The following NFIL3 variants were observed in gnomAD, a reference collection of about 807,000 sequenced individuals.
NFIL3 encodes nuclear factor interleukin-3-regulated protein.
Under a neutral mutation model 10.0 loss-of-function variants are expected in NFIL3, and 5 were observed. The ratio of observed to expected loss-of-function variants is 0.50; its 90% CI spans 0.26 to 1.06. The LOEUF (loss-of-function observed/expected upper bound fraction) is 1.06. Ranked by LOEUF, NFIL3 falls within the 50% of genes least tolerant of loss-of-function variation. The pLI, the probability that NFIL3 is intolerant of heterozygous loss-of-function variation, is 0.13. For synonymous variants in NFIL3, 202 were observed against 206.5 expected, an observed-to-expected ratio of 0.98 and a Z score of 0.19; for missense variants, 436 against 547.6, an observed-to-expected ratio of 0.80 and a Z score of 2.03.
chr9:91,420,529 G>A (rs1833742820), intron 1 of NFIL3, among the ~76,000 whole-genome samples: 1 of 152,116 alleles, frequency 6.6e-6, no homozygotes. Flanking sequence ...ACAAGCTGGG[G>A]CCTGGGACCC....
the NFIL3 span, among the ~76,000 whole-genome samples, chr9:91,459,941 A>G: frequency 3.3e-5 from 5 of 152,172 alleles, no homozygotes; most frequent in African/African-American, 4.8e-5. Flanking sequence ...AGCCCTTTTT[A>G]TATACCCTCT....
the NFIL3 span, among the ~76,000 whole-genome samples, chr9:91,442,869 C>T: frequency 3.9e-5 from 6 of 152,040 alleles, no homozygotes; most frequent in Admixed American, 6.5e-5. Flanking sequence ...TCTTGTCATC[C>T]GGAATGTGGC....
chr9:91,466,285 C>T, the NFIL3 span, among the ~76,000 whole-genome samples: 1 of 152,122 alleles, frequency 6.6e-6, no homozygotes, highest in African/African-American at 2.4e-5. Context: ...ACTAACAACA[C>T]AGACCCTTCT....
At chr9:91,480,555 A>T in the NFIL3 span, among the ~76,000 whole-genome samples, 1 of 152,194 alleles carries the variant, frequency 6.6e-6, no homozygotes, top group Admixed American at 6.5e-5. Context: ...TACGGAGCTA[A>T]ATATAAAAAA....
At chr9:91,476,223 A>G in the NFIL3 span, among the ~76,000 whole-genome samples, 1 of 152,242 alleles carries the variant, frequency 6.6e-6, no homozygotes, top group Admixed American at 6.5e-5. Flanking sequence ...AATTCAGTGC[A>G]TAGATGTAAA....
the NFIL3 span, among the ~76,000 whole-genome samples, chr9:91,479,008 C>T: frequency 1.3e-5 from 2 of 152,202 alleles, no homozygotes; most frequent in African/African-American, 2.4e-5. Flanking sequence ...CATGTTCCTT[C>T]CTCTGGAAGC....
chr9:91,412,700 C>T (rs58793027), intron 1 of NFIL3, among the ~76,000 whole-genome samples: 1,540 of 151,780 alleles, frequency 0.01, 23 homozygotes, highest in African/African-American at 0.035. Flanking sequence ...AAAAATTAGT[C>T]GGGTGTGGTG....
chr9:91,464,104 T>C, the NFIL3 span, among the ~76,000 whole-genome samples: 3 of 152,104 alleles, frequency 2.0e-5, no homozygotes, highest in African/African-American at 7.2e-5. Flanking sequence ...CAAAAATTTC[T>C]GTCTTTTTAT....
chr9:91,441,088 G>A, the NFIL3 span, among the ~76,000 whole-genome samples: 2 of 152,024 alleles, frequency 1.3e-5, no homozygotes, highest in Non-Finnish European at 2.9e-5. Flanking sequence ...TCTATTCATG[G>A]TTGAAAATGA....
the NFIL3 span, among the ~76,000 whole-genome samples, chr9:91,446,572 C>T: frequency 2.0e-5 from 3 of 152,308 alleles, no homozygotes; most frequent in South Asian, 6.2e-4. Context: ...CCATTTTCAT[C>T]CTTCCAAATG....
chr9:91,461,467 T>C, the NFIL3 span, among the ~76,000 whole-genome samples: 1 of 150,794 alleles, frequency 6.6e-6, no homozygotes, highest in African/African-American at 2.5e-5. Flanking sequence ...TGCCACAAAC[T>C]TCGTGGCTTA....
In NFIL3 at chr9:91,410,619, G is replaced by C. The variant is rs1159555118; in HGVS notation, c.116C>G (p.Ser39Cys). ...NSALTEVSED[S>C]TTGEELLLSE... ...GAGAAGCAGCTCCTCACCTGTTGTG[G>C]AGTCTTCTGACACTTCCGTTAAAGC... The change falls in exon 2 of 2, where the codon TCC becomes TGC. Residue 39 changes from serine (S) to cysteine (C), a missense_variant. This residue lies in a region of NFIL3 where 76 missense variants were observed against 73.0 expected (regional missense o/e 1.04). Coordinates refer to ENST00000297689, the MANE Select transcript of NFIL3 (RefSeq NM_005384.3). This position sits in a 1 kb window ranked among gnomAD's most constrained non-coding sequence, Gnocchi z 5.7. The C allele has an allele frequency of 6.2e-7, 1 of 1,614,054 alleles. No homozygotes were observed. The highest frequency in any genetic ancestry group is 2.2e-5 in the East Asian group (1 of 44,894).
At chr9:91,412,509 G>A (rs1833572637) in intron 1 of NFIL3, among the ~76,000 whole-genome samples, 1 of 152,076 alleles carries the variant, frequency 6.6e-6, no homozygotes, top group African/African-American at 2.4e-5. Context: ...AGTTCCATCA[G>A]CACGATCTGC....
the NFIL3 span, among the ~76,000 whole-genome samples, chr9:91,472,634 T>C: frequency 1.3e-5 from 2 of 152,200 alleles, no homozygotes; most frequent in African/African-American, 2.4e-5. Flanking sequence ...TCTAGCTTCC[T>C]TGTGATGGGT....
chr9:91,447,189 A>G, the NFIL3 span, among the ~76,000 whole-genome samples: 1 of 152,204 alleles, frequency 6.6e-6, no homozygotes, highest in East Asian at 1.9e-4. Context: ...ATAGTATTCC[A>G]TTTGTATGTA....
At chr9:91,477,314 C>G in the NFIL3 span, among the ~76,000 whole-genome samples, 1 of 152,190 alleles carries the variant, frequency 6.6e-6, no homozygotes, top group Non-Finnish European at 1.5e-5. Context: ...ACATAGAACC[C>G]CCTCGTGCTT....
chr9:91,460,576 T>A, the NFIL3 span, among the ~76,000 whole-genome samples: 1 of 152,038 alleles, frequency 6.6e-6, no homozygotes, highest in East Asian at 1.9e-4. Context: ...CACGCCCAGC[T>A]TGGGGTTTGT....
chr9:91,429,398 A>T, the NFIL3 span, among the ~76,000 whole-genome samples: 1 of 152,200 alleles, frequency 6.6e-6, no homozygotes, highest in Admixed American at 6.5e-5. Flanking sequence ...TATATTGCAG[A>T]AAAGAAAAAC....
the NFIL3 span, among the ~76,000 whole-genome samples, chr9:91,459,956 C>A: frequency 3.9e-5 from 6 of 152,036 alleles, no homozygotes; most frequent in Non-Finnish European, 7.4e-5. Context: ...CCCTCTTCAT[C>A]CAGAATCTGG....
Sources: allele counts gnomAD v4.1 joint callset (sites outside exome capture counted in the v4.1 genomes callset), GRCh38; gene constraint gnomAD v4.1.1; regional missense constraint gnomAD v4.1.1; non-coding constraint Gnocchi (gnomAD v3.1); transcripts MANE v1.5; gene names NCBI Gene and HGNC (gene_info 2026-07-23, HGNC 2026-07-21).